The following RNF180 variants were observed in gnomAD, a reference collection of about 807,000 sequenced individuals.
The protein encoded by RNF180 is ring finger protein 180.
RNF180 carries 38 observed loss-of-function variants against 59.2 expected under a neutral mutation model. That is an observed-to-expected ratio of 0.64 (90% CI 0.50 to 0.84). The LOEUF (loss-of-function observed/expected upper bound fraction) is 0.84. Ranked by LOEUF, RNF180 falls within the 40% of genes least tolerant of loss-of-function variation. RNF180 has a pLI of 0.00. For missense variants in RNF180, 705 were observed against 700.9 expected (o/e 1.01, Z -0.07); for synonymous variants, 262 against 240.3 (o/e 1.09, Z -0.84).
At chr5:64,280,089 T>C (rs975272907) in intron 5 of RNF180, among the ~76,000 whole-genome samples, 1 of 152,174 alleles carries the variant, frequency 6.6e-6, no homozygotes, top group African/African-American at 2.4e-5. Context: ...TGTTGAACAT[T>C]TTTTTTCATA....
At chr5:64,223,119 T>C (rs1460048073) in intron 5 of RNF180, among the ~76,000 whole-genome samples, 2 of 152,216 alleles carry the variant, frequency 1.3e-5, no homozygotes, top group African/African-American at 2.4e-5. Context: ...CAGGGTAGTA[T>C]TTCTTCTGGA....
chr5:64,168,834 G>A (rs1462421488), intron 1 of RNF180, among the ~76,000 whole-genome samples: 4 of 152,152 alleles, frequency 2.6e-5, no homozygotes, highest in Admixed American at 1.3e-4. Flanking sequence ...AAAAAATTTC[G>A]ACAAATTTAG....
intron 4 of RNF180, among the ~76,000 whole-genome samples, chr5:64,215,721 A>G (rs1176081856): frequency 1.3e-5 from 2 of 152,184 alleles, no homozygotes; most frequent in African/African-American, 2.4e-5. Context: ...GGAAGTGATC[A>G]TATGTTAAGT....
At chr5:64,171,417 A>G (rs1039677540) in intron 1 of RNF180, among the ~76,000 whole-genome samples, 9 of 152,092 alleles carry the variant, frequency 5.9e-5, no homozygotes, top group Admixed American at 5.9e-4. Flanking sequence ...TTGACATGGG[A>G]AGGCCTGAGC....
At chr5:64,221,888 A>G (rs1741356940) in intron 5 of RNF180, among the ~76,000 whole-genome samples, 1 of 152,212 alleles carries the variant, frequency 6.6e-6, no homozygotes, top group Non-Finnish European at 1.5e-5. Flanking sequence ...CATATCTTAC[A>G]TTAGTATGAT....
Position 64,234,578 on chromosome 5 carries a change from C to CTTTTTTTTTTTTTTTTTTTTT in RNF180, c.1227+17201_1227+17221dup, listed in dbSNP as rs1171637074. 6.2e-5 allele frequency among the ~76,000 whole-genome samples: 3 copies of CTTTTTTTTTTTTTTTTTTTTT among 48,524 alleles called. 1 individual carries two copies. Among genetic ancestry groups the CTTTTTTTTTTTTTTTTTTTTT allele is most frequent in the Non-Finnish European group, 1.1e-4 (3 of 26,118 alleles). The allele number at this position is 48,524 out of a possible 152,430, so 31.8% of individuals were successfully genotyped here. A position where few individuals can be genotyped will look rare whatever the true frequency, so the allele number is the denominator to read the frequency against. ...GCTTTCCAAATGGCAGTTACCCGTT[C>CTTTTTTTTTTTTTTTTTTTTT]TTTTTTTTTTTTTTTTTTTTTTTTT... On this transcript the variant is annotated intron_variant, in intron 5 of 7. Transcript: ENST00000389100.
intron 7 of RNF180, among the ~76,000 whole-genome samples, chr5:64,357,439 T>C (rs1159260840): frequency 6.6e-6 from 1 of 151,822 alleles, no homozygotes; most frequent in Non-Finnish European, 1.5e-5. Flanking sequence ...GTCTCCTTTT[T>C]AATACTAATT....
intron 5 of RNF180, among the ~76,000 whole-genome samples, chr5:64,270,749 G>A (rs1307221266): frequency 4.6e-5 from 7 of 152,002 alleles, no homozygotes; most frequent in Non-Finnish European, 1.0e-4. Flanking sequence ...CTAGCTATTT[G>A]ACTATTTTGC....
chr5:64,258,453 A>C (rs1363630867), intron 5 of RNF180, among the ~76,000 whole-genome samples: 1 of 152,102 alleles, frequency 6.6e-6, no homozygotes, highest in African/African-American at 2.4e-5. Context: ...TGCATTGACA[A>C]ATTTGAGAGA....
chr5:64,278,181 G>A (rs541908219), intron 5 of RNF180, among the ~76,000 whole-genome samples: 9 of 152,332 alleles, frequency 5.9e-5, no homozygotes, highest in African/African-American at 2.2e-4. Flanking sequence ...AAAAGAGGAA[G>A]GAAGAAGATG....
intron 5 of RNF180, among the ~76,000 whole-genome samples, chr5:64,218,641 G>A (rs1752755819): frequency 6.6e-6 from 1 of 152,246 alleles, no homozygotes; most frequent in East Asian, 1.9e-4. Flanking sequence ...TTATATTGAA[G>A]CTATAGATAA....
chr5:64,246,546 C>A (rs1743179629), intron 5 of RNF180, among the ~76,000 whole-genome samples: 1 of 152,186 alleles, frequency 6.6e-6, no homozygotes, highest in Non-Finnish European at 1.5e-5. Flanking sequence ...ATACACCCTC[C>A]TCAGACTAAA....
chr5:64,224,980 G>A (rs1741589027), intron 5 of RNF180, among the ~76,000 whole-genome samples: 1 of 152,166 alleles, frequency 6.6e-6, no homozygotes, highest in East Asian at 1.9e-4. Context: ...TTGGGCTGCT[G>A]GCCTCCCAAA....
intron 5 of RNF180, among the ~76,000 whole-genome samples, chr5:64,315,700 C>T (rs918566492): frequency 6.9e-6 from 1 of 144,716 alleles, no homozygotes; most frequent in African/African-American, 2.6e-5. Flanking sequence ...CGTGCCATTG[C>T]ACTCCAGTCT....
rs150681588 is a variant in RNF180 at position 64,198,389 on chromosome 5, T to TA, written c.1-2418dup. 3.4e-4 allele frequency among the ~76,000 whole-genome samples: 52 copies of TA among 152,254 alleles called. No homozygotes were observed. In the East Asian group the frequency reaches 9.8e-3, roughly 29 times the overall value. On this transcript the variant is annotated intron_variant, in intron 1 of 7. Transcript: ENST00000389100. ...TGCATTGGCATTTGGAAATTGAAAA[T>TA]ACTGGTTTAGAGCTTTGGAACAAGA...
chr5:64,199,574 G>GA (rs1301155083), intron 1 of RNF180, among the ~76,000 whole-genome samples: 1 of 152,208 alleles, frequency 6.6e-6, no homozygotes, highest in Non-Finnish European at 1.5e-5. Context: ...CTCTGAGACA[G>GA]AAAGAAAGTT....
At chr5:64,165,368 T>A (rs555625761), upstream of RNF180, among the ~76,000 whole-genome samples, 1 of 152,140 alleles carries the variant, frequency 6.6e-6, no homozygotes, top group Non-Finnish European at 1.5e-5. Context: ...GGTGGAACTT[T>A]AGGCACAAGA....
intron 7 of RNF180, 149 bp from the exon 8 acceptor site, chr5:64,369,466 T>TAA (rs56066106): frequency 9.3e-5 from 41 of 440,584 alleles, no homozygotes; most frequent in Middle Eastern, 6.2e-4. Context: ...ATAATAATAA[T>TAA]AAAAAAAAAA....
intron 5 of RNF180, among the ~76,000 whole-genome samples, chr5:64,255,166 T>A (rs1743857709): frequency 6.6e-6 from 1 of 152,178 alleles, no homozygotes; most frequent in African/African-American, 2.4e-5. Flanking sequence ...TCACAATTCT[T>A]GGTATATTTT....
Sources: gnomAD v4.1 joint callset for allele counts (sites outside exome capture counted in the v4.1 genomes callset) on GRCh38, gnomAD v4.1.1 for gene constraint, MANE v1.5 for transcripts, NCBI Gene and HGNC (gene_info 2026-07-23, HGNC 2026-07-21) for gene names.